The following FHAD1 variants were observed in gnomAD, a reference collection of about 807,000 sequenced individuals.
FHAD1 encodes forkhead associated phosphopeptide binding domain 1.
A neutral mutation model predicts 191.3 loss-of-function variants in FHAD1; 146 were observed. The ratio of observed to expected loss-of-function variants is 0.76; its 90% confidence interval spans 0.67 to 0.88. The LOEUF (loss-of-function observed/expected upper bound fraction) is 0.88. Among genes scored for constraint, FHAD1 ranks in the 40% least tolerant of loss-of-function variants. The probability of loss-of-function intolerance (pLI) is 0.00; values close to 1 mark genes in which losing one functional copy is unlikely to be tolerated. For synonymous variants in FHAD1, 616 were observed against 672.3 expected, an observed-to-expected ratio of 0.92 and a Z score of 1.29; for missense variants, 1,635 against 1,785.8, an observed-to-expected ratio of 0.92 and a Z score of 1.52.
At chr1:15,286,908 A>G (rs1238467636) in intron 3 of FHAD1, 1 of 152,254 alleles carries the variant, frequency 6.6e-6, no homozygotes, top group Non-Finnish European at 1.5e-5. Context: ...ATGAAAGTAG[A>G]TTCCTCCACC....
chr1:15,273,933 T>C (rs754695504), intron 3 of FHAD1, among the ~76,000 whole-genome samples: 7 of 152,236 alleles, frequency 4.6e-5, no homozygotes, highest in Non-Finnish European at 8.8e-5. Context: ...ACCACCGTTC[T>C]ACTTCCTGTC....
chr1:15,317,765 G>T lies in FHAD1; in HGVS notation c.1261-59G>T. 4 of 1,237,476 alleles carry T rather than the reference G, an allele frequency of 3.2e-6. No individual in the cohort carries two copies. The South Asian group carries it at 3.9e-5, about 12-fold the overall frequency. The allele number at this position is 1,237,476 out of a possible 1,614,324, so 76.7% of individuals were successfully genotyped here. A position where few individuals can be genotyped will look rare whatever the true frequency, so the allele number is the denominator to read the frequency against. On this transcript the variant is annotated intron_variant, in intron 9 of 33. Coordinates refer to ENST00000688493, the MANE Select transcript of FHAD1 (RefSeq NM_001391957.1). Reference sequence around the variant, plus strand: ...GGATGATGAGGGCTCAGACCTCTCAGCCAAGAAGGCAGCTCCTGCCCCCAT... The same window carrying T: ...GGATGATGAGGGCTCAGACCTCTCATCCAAGAAGGCAGCTCCTGCCCCCAT...
intron 33 of FHAD1, among the ~76,000 whole-genome samples, chr1:15,396,735 G>A (rs953023842): frequency 2.7e-4 from 41 of 150,702 alleles, no homozygotes; most frequent in Admixed American, 4.6e-4. Flanking sequence ...ACTTGAATCC[G>A]TGAGGTCGAG....
intron 4 of FHAD1, among the ~76,000 whole-genome samples, chr1:15,292,365 G>A (rs1318870815): frequency 2.7e-5 from 4 of 149,460 alleles, no homozygotes; most frequent in South Asian, 4.3e-4. Context: ...ACGGAGTCTC[G>A]CTCTGTCGCC....
chr1:15,268,842 T>G (rs1654690281), intron 2 of FHAD1, among the ~76,000 whole-genome samples: 1 of 150,950 alleles, frequency 6.6e-6, no homozygotes, highest in East Asian at 1.9e-4. Flanking sequence ...TTGATGGGGT[T>G]GTTTGTTTTT....
At chr1:15,344,462 C>T (rs564882084) in intron 16 of FHAD1, among the ~76,000 whole-genome samples, 4 of 152,324 alleles carry the variant, frequency 2.6e-5, no homozygotes, top group Non-Finnish European at 4.4e-5. Context: ...CCATAAAGAG[C>T]CAGATAGTAA....
chr1:15,360,678 T>C lies in FHAD1; in HGVS notation c.2937T>C (p.Ile979=). The change falls in exon 22 of 34, where the codon ATT becomes ATC. Residue 979 remains isoleucine (I), a synonymous_variant. Transcript: ENST00000688493. ...ACCATAAAAAAATAGAAGGCGAGAT[T>C]GCAACATTGAAGGACAATGACCCAG... ...TQHHKKIEGE[I]ATLKDNDPAP... 1 of 1,551,616 alleles carries C rather than the reference T, an allele frequency of 6.4e-7. No individual in the cohort carries two copies.
chr1:15,397,889 T>C lies in FHAD1; in HGVS notation c.*476T>C, dbSNP rs1004828895. 3.9e-5 allele frequency: 6 copies of C among 152,174 alleles called. No individual in the cohort carries two copies. Among genetic ancestry groups the C allele is most frequent in the African/African-American group, 1.4e-4 (6 of 41,400 alleles). 9.4% of individuals were successfully genotyped at this position (152,174 alleles called of 1,614,324 possible). ...GGCTCATGCCTGTAATCTCAGCACT[T>C]TGGGAGGCCGAGGCAGGCGGATTAT... On this transcript the variant is annotated 3_prime_UTR_variant, in exon 34 of 34. Transcript: ENST00000688493.
At chr1:15,249,495 T>A (rs187584010) in intron 1 of FHAD1, among the ~76,000 whole-genome samples, 3 of 152,322 alleles carry the variant, frequency 2.0e-5, no homozygotes, top group African/African-American at 7.2e-5. Flanking sequence ...ATGGTTCTTT[T>A]GGAAAAAGAA....
At position 15,247,546 on chromosome 1, in the gene FHAD1, C is replaced by T. The variant is rs114685310; in HGVS notation, c.-15+151C>T. On this transcript the variant is annotated intron_variant, in intron 1 of 33. Transcript: ENST00000688493. ...GTCCCCAGGAGCACCCCAGTAGCTA[C>T]CCCAACACCAGCCCCTCCTTTCCAG... 4.8e-3 allele frequency among the ~76,000 whole-genome samples: 726 copies of T among 152,196 alleles called. 6 individuals are homozygous for T. The highest frequency in any genetic ancestry group is 0.017 in the African/African-American group (695 of 41,530).
intron 19 of FHAD1, among the ~76,000 whole-genome samples, chr1:15,350,800 C>T (rs1165760900): frequency 2.0e-4 from 30 of 152,088 alleles, no homozygotes; most frequent in Admixed American, 2.0e-3. Flanking sequence ...GTTGAGTGGG[C>T]ACAGCAGGGT....
Position 15,312,825 on chromosome 1 carries a change from C to T in FHAD1, c.1040-232C>T, listed in dbSNP as rs1574237786. Among the ~76,000 whole-genome samples the T allele has an allele frequency of 6.6e-6, 1 of 152,266 alleles. No individual in the cohort carries two copies. Among genetic ancestry groups the T allele is most frequent in the South Asian group, 2.1e-4 (1 of 4,826 alleles). On this transcript the variant is annotated intron_variant, in intron 7 of 33. Transcript: ENST00000688493. This position sits in a 1 kb window ranked among gnomAD's most constrained non-coding sequence, Gnocchi z 4.7. ...AGGCAGGGCCGATGCCCACAGCACCCCGACAGATGTTTCCTGTCTCCAGCA... is the reference window on the plus strand; with the variant it reads ...AGGCAGGGCCGATGCCCACAGCACCTCGACAGATGTTTCCTGTCTCCAGCA...
rs185793422 is a variant in FHAD1 at position 15,286,427 on chromosome 1, C to T, written c.301-2972C>T. 3.3e-3 allele frequency among the ~76,000 whole-genome samples: 501 copies of T among 152,274 alleles called. 2 individuals are homozygous for T. Among genetic ancestry groups the T allele is most frequent in the African/African-American group, 0.011 (468 of 41,560 alleles). On this transcript the variant is annotated intron_variant, in intron 3 of 33. Coordinates refer to ENST00000688493, the MANE Select transcript of FHAD1 (RefSeq NM_001391957.1). ...CTGAGGCAGGAGGATCACCTGAGCC[C>T]GGAAGGTTAGGCTGTAGTGAGCTGT...
chr1:15,238,083 C>T (rs1644972180), intron 1 of FHAD1, among the ~76,000 whole-genome samples: 1 of 151,648 alleles, frequency 6.6e-6, no homozygotes, highest in African/African-American at 2.4e-5. Context: ...CCTGTCTCTA[C>T]TAAAAATATA....
At position 15,313,205 on chromosome 1, in the gene FHAD1, C is replaced by T. The variant is rs112338079; in HGVS notation, c.1170+18C>T. On this transcript the variant is annotated intron_variant, in intron 8 of 33. Coordinates refer to ENST00000688493, the MANE Select transcript of FHAD1 (RefSeq NM_001391957.1). The stretch of plus-strand genomic sequence containing the variant: ...GCTCTAGAGTGAGTAAGGATGACTG[C>T]GTCACCTTGTAGCCATCCGGTGAAA... The T allele has an allele frequency of 3.0e-3, 4,632 of 1,551,272 alleles. 60 individuals are homozygous for T. Among genetic ancestry groups the T allele is most frequent in the South Asian group, 0.024 (2,002 of 84,006 alleles).
In FHAD1 at chr1:15,296,732, T is replaced by G. The variant is rs1475186735; in HGVS notation, c.617T>G (p.Ile206Ser). Residue 206 changes from isoleucine to serine, a missense_variant, in exon 5 of 34, where the codon ATT becomes AGT. By Grantham distance (142) the Ile-to-Ser change is moderately radical. Transcript: ENST00000688493. ...KLSEKSVAEG[I>S]PGAVPPAEIY... ...TCAGAAAAATCAGTGGCCGAGGGGATTCCTGGGGCAGTTCCCCCTGCGGAG... is the reference window on the plus strand; with the variant it reads ...TCAGAAAAATCAGTGGCCGAGGGGAGTCCTGGGGCAGTTCCCCCTGCGGAG... 4 of 1,551,978 alleles carry G rather than the reference T, an allele frequency of 2.6e-6. No homozygotes were observed. Among genetic ancestry groups the G allele is most frequent in the Non-Finnish European group, 3.5e-6 (4 of 1,147,082 alleles).
upstream of FHAD1, among the ~76,000 whole-genome samples, chr1:15,243,015 T>C (rs1224893838): frequency 6.6e-6 from 1 of 152,106 alleles, no homozygotes; most frequent in Non-Finnish European, 1.5e-5. Flanking sequence ...CCAGCACACT[T>C]TGCAGTTTTT....
intron 10 of FHAD1, among the ~76,000 whole-genome samples, chr1:15,323,505 A>G (rs1445203844): frequency 6.6e-6 from 1 of 152,136 alleles, no homozygotes; most frequent in African/African-American, 2.4e-5. Flanking sequence ...CTCAGAAGAA[A>G]GCTTTACAGG....
At chr1:15,243,868 ACCTT>A (rs1404863626), upstream of FHAD1, among the ~76,000 whole-genome samples, 1 of 152,014 alleles carries the variant, frequency 6.6e-6, no homozygotes, top group African/African-American at 2.4e-5. Context: ...CAGGGGAAAT[ACCTT>A]CCTTGTCACA....
Sources: gnomAD v4.1 joint callset for allele counts (sites outside exome capture counted in the v4.1 genomes callset) on GRCh38, gnomAD v4.1.1 for gene constraint, Gnocchi (gnomAD v3.1) non-coding constraint, MANE v1.5 for transcripts, NCBI Gene and HGNC (gene_info 2026-07-23, HGNC 2026-07-21) for gene names.